Variants in ATP8B4 observed in about 807,000 individuals in gnomAD.
The protein encoded by ATP8B4 is ATPase phospholipid transporting 8B4 (putative).
In ATP8B4, 133 loss-of-function variants were observed where a neutral mutation model predicts 145.6. The observed-to-expected ratio is 0.91, with a 90% CI of 0.79 to 1.05. The LOEUF (loss-of-function observed/expected upper bound fraction) is 1.05, where lower values mean the gene tolerates loss of function less well. Among genes scored for constraint, ATP8B4 ranks in the 50% least tolerant of loss-of-function variants. The probability of loss-of-function intolerance (pLI) is 0.00; values close to 1 mark genes in which losing one functional copy is unlikely to be tolerated. For synonymous variants in ATP8B4, 507 were observed against 492.9 expected (o/e 1.03, Z -0.38); for missense variants, 1,458 against 1,425.2 (o/e 1.02, Z -0.37).
intron 25 of ATP8B4, among the ~76,000 whole-genome samples, chr15:49,873,893 C>G (rs931216605): frequency 1.3e-5 from 2 of 152,200 alleles, no homozygotes; most frequent in African/African-American, 4.8e-5. Flanking sequence ...GGAGGACCCT[C>G]TCTCAGACTG....
chr15:49,981,718 T>A (rs1170743462), intron 10 of ATP8B4, among the ~76,000 whole-genome samples: 1 of 152,126 alleles, frequency 6.6e-6, no homozygotes, highest in African/African-American at 2.4e-5. Flanking sequence ...AAATTCTAGA[T>A]CTGTTTCCCA....
At chr15:49,972,851 T>C in intron 12 of ATP8B4, 61 bp from the exon 13 acceptor site, 3 of 1,540,644 alleles carry the variant, frequency 1.9e-6, no homozygotes, top group Non-Finnish European at 8.8e-7. Flanking sequence ...GAACATACAA[T>C]ATTTTGCCAA....
At chr15:49,914,332 T>A (rs2039520163) in intron 20 of ATP8B4, among the ~76,000 whole-genome samples, 1 of 152,126 alleles carries the variant, frequency 6.6e-6, no homozygotes, top group East Asian at 1.9e-4. Context: ...TAACTCAATA[T>A]GAATTAAAGA....
intron 19 of ATP8B4, among the ~76,000 whole-genome samples, 158 bp downstream of exon 19, chr15:49,918,681 C>T (rs965779223): frequency 6.6e-6 from 1 of 152,182 alleles, no homozygotes; most frequent in South Asian, 2.1e-4. Flanking sequence ...AAAATAGATT[C>T]TTGCAATACA....
At chr15:50,028,357 A>G (rs1359963677) in intron 6 of ATP8B4, among the ~76,000 whole-genome samples, 1 of 152,214 alleles carries the variant, frequency 6.6e-6, no homozygotes, top group Non-Finnish European at 1.5e-5. Flanking sequence ...AATAGATCTC[A>G]GTATTTTAGA....
At chr15:49,980,141 T>A (rs1226657308) in intron 11 of ATP8B4, among the ~76,000 whole-genome samples, 1 of 152,186 alleles carries the variant, frequency 6.6e-6, no homozygotes, top group Non-Finnish European at 1.5e-5. Flanking sequence ...CTTGGCCTCA[T>A]AGGCTCTGTA....
At chr15:49,861,896 C>T (rs779367755) in intron 27 of ATP8B4, among the ~76,000 whole-genome samples, 2 of 152,140 alleles carry the variant, frequency 1.3e-5, no homozygotes, top group Admixed American at 6.5e-5. Flanking sequence ...CTTGTACTTG[C>T]CCTCAAATCA....
At chr15:49,927,796 A>G (rs576388413) in intron 16 of ATP8B4, among the ~76,000 whole-genome samples, 4 of 152,264 alleles carry the variant, frequency 2.6e-5, no homozygotes, top group African/African-American at 9.6e-5. Flanking sequence ...CTGCTGATAC[A>G]ACATTAAGCC....
At chr15:49,996,802 C>T (rs1354305327) in intron 8 of ATP8B4, 43 bp from the exon 9 acceptor site, 4 of 1,498,420 alleles carry the variant, frequency 2.7e-6, no homozygotes, top group Admixed American at 1.7e-5. Context: ...TATGGAACAG[C>T]CCAACAGCAT....
At chr15:50,071,900 T>C (rs2053761367) in intron 3 of ATP8B4, among the ~76,000 whole-genome samples, 1 of 152,140 alleles carries the variant, frequency 6.6e-6, no homozygotes, top group African/African-American at 2.4e-5. Context: ...AAATCTGTCA[T>C]GGAGGTGGCA....
chr15:49,877,617 C>T (rs1238476609), intron 24 of ATP8B4, among the ~76,000 whole-genome samples: 1 of 152,154 alleles, frequency 6.6e-6, no homozygotes, highest in African/African-American at 2.4e-5. Flanking sequence ...TGAAACAAGA[C>T]AGTCATGAGC....
At chr15:50,040,680 C>T (rs142613900) in intron 5 of ATP8B4, among the ~76,000 whole-genome samples, 12 of 152,350 alleles carry the variant, frequency 7.9e-5, no homozygotes, top group African/African-American at 2.9e-4. Context: ...GAGCAGCTCA[C>T]TCTCGGGGAG....
intron 7 of ATP8B4, among the ~76,000 whole-genome samples, chr15:50,010,217 C>G (rs1189049405): frequency 2.6e-5 from 4 of 151,984 alleles, no homozygotes. Context: ...CTTTTGTTAC[C>G]TTAAATTTAA....
intron 21 of ATP8B4, 108 bp downstream of exon 21, chr15:49,900,984 T>C (rs2037961128): frequency 5.1e-6 from 7 of 1,374,794 alleles, no homozygotes; most frequent in Middle Eastern, 1.9e-4. Flanking sequence ...CTGTATCTAG[T>C]AGTGACATTT....
intron 9 of ATP8B4, among the ~76,000 whole-genome samples, chr15:49,991,122 T>C (rs544453078): frequency 1.3e-5 from 2 of 152,252 alleles, no homozygotes; most frequent in East Asian, 3.9e-4. Context: ...TGGGTTGTGC[T>C]CCAGTCCAGG....
chr15:49,953,629 A>T (rs1022864780), intron 14 of ATP8B4, among the ~76,000 whole-genome samples: 1 of 152,188 alleles, frequency 6.6e-6, no homozygotes, highest in African/African-American at 2.4e-5. Flanking sequence ...CAAGGAGCTT[A>T]GCATGTTAGG....
chr15:49,954,259 G>A (rs925481572), intron 14 of ATP8B4, among the ~76,000 whole-genome samples: 14 of 151,944 alleles, frequency 9.2e-5, no homozygotes, highest in African/African-American at 2.9e-4. Flanking sequence ...ACTCCCCTTC[G>A]TGTATACATA....
chr15:49,957,048 A>T (rs1441004222), intron 14 of ATP8B4, among the ~76,000 whole-genome samples: 1 of 152,138 alleles, frequency 6.6e-6, no homozygotes, highest in Admixed American at 6.6e-5. Context: ...ATGTGAAAAG[A>T]TTGCAAAAAA....
Position 50,093,193 on chromosome 15 carries a change from T to TA in ATP8B4, c.28+13745dup, listed in dbSNP as rs573850755. On this transcript the variant is annotated intron_variant, in intron 2 of 27. Coordinates refer to ENST00000284509, the MANE Select transcript of ATP8B4 (RefSeq NM_024837.4). Reference sequence around the variant, plus strand: ...AATTCATTACCAGCATTCCCACATTTAAAAAAAAAAGGAAGTCTTAAGAAA... The same window carrying TA: ...AATTCATTACCAGCATTCCCACATTTAAAAAAAAAAAGGAAGTCTTAAGAAA... 8.0e-3 allele frequency among the ~76,000 whole-genome samples: 1,172 copies of TA among 146,816 alleles called. 9 individuals are homozygous for TA. The highest frequency in any genetic ancestry group is 0.031 in the South Asian group (145 of 4,684).
Sources: allele counts gnomAD v4.1 joint callset (sites outside exome capture counted in the v4.1 genomes callset), GRCh38; gene constraint gnomAD v4.1.1; transcripts MANE v1.5; gene names NCBI Gene and HGNC (gene_info 2026-07-23, HGNC 2026-07-21).